NME5: variants seen among roughly 807,000 people sequenced by gnomAD.
NME5 encodes NME/NM23 family member 5, also known as nucleoside diphosphate kinase 5.
Under a neutral mutation model 21.6 loss-of-function variants are expected in NME5, and 18 were observed. That is an observed-to-expected ratio of 0.83 (90% CI 0.58 to 1.24). NME5 has a LOEUF of 1.24. Ranked by LOEUF, NME5 falls within the 50% of genes most tolerant of loss-of-function variation. The pLI is 0.00. For synonymous variants in NME5, 70 were observed against 80.6 expected (o/e 0.87, Z 0.71); for missense variants, 223 against 255.4 (o/e 0.87, Z 0.86).
intron 2 of NME5, among the ~76,000 whole-genome samples, chr5:138,136,672 C>T (rs1244965525): frequency 2.0e-5 from 3 of 151,180 alleles, no homozygotes; most frequent in African/African-American, 7.3e-5. Flanking sequence ...TCGAGAGTTT[C>T]GCTCTTGTTG....
chr5:138,136,385 C>CT (rs1051756187), intron 2 of NME5, among the ~76,000 whole-genome samples: 1 of 152,138 alleles, frequency 6.6e-6, no homozygotes, highest in Non-Finnish European at 1.5e-5. Flanking sequence ...TTTTAACTTG[C>CT]TTTTTTTCCC....
intron 4 of NME5, among the ~76,000 whole-genome samples, chr5:138,121,861 T>C (rs996933182): frequency 2.7e-5 from 4 of 150,706 alleles, no homozygotes; most frequent in African/African-American, 4.9e-5. Context: ...TTTCTTTAAA[T>C]TTTTTTTTTC....
At chr5:138,117,020 C>A (rs58951975) in intron 5 of NME5, among the ~76,000 whole-genome samples, 27,899 of 151,706 alleles carry the variant, frequency 0.18, 2,743 homozygotes, top group Middle Eastern at 0.21. Flanking sequence ...CCAGCCTGGG[C>A]AACATAGGGA....
At chr5:138,123,357 G>A (rs931202841) in intron 4 of NME5, among the ~76,000 whole-genome samples, 1 of 152,022 alleles carries the variant, frequency 6.6e-6, no homozygotes, top group African/African-American at 2.4e-5. Context: ...AGTATCCTTT[G>A]ATCAACATTT....
At chr5:138,120,675 G>T (rs894359556) in intron 4 of NME5, among the ~76,000 whole-genome samples, 1 of 152,134 alleles carries the variant, frequency 6.6e-6, no homozygotes, top group East Asian at 1.9e-4. Context: ...CAGTTACAAA[G>T]ATTTTCTTGT....
Position 138,128,505 on chromosome 5 carries a change from CT to C in NME5, c.409del (p.Arg137GlufsTer10). On this transcript the variant is annotated frameshift_variant, in exon 4 of 6. Transcript: ENST00000265191. LOFTEE classifies it high-confidence loss of function. Reference protein sequence around the residue: ...HGSNDFAAAEREIRFMFPEVI... With the variant: ...HGSNDFAAAEXEIRFMFPEVI... ...TTCAGGAAACATAAAACGTATTTCT[CT>C]TTCCGCAGCAGCAAAGTCATTACTC... 6.2e-7 allele frequency: 1 copy of C among 1,613,270 alleles called. No individual in the cohort carries two copies.
chr5:138,134,865 G>A (rs556725273), intron 2 of NME5, among the ~76,000 whole-genome samples: 135 of 149,750 alleles, frequency 9.0e-4, no homozygotes, highest in Non-Finnish European at 1.1e-3. Context: ...ACAGGTGCCC[G>A]CCACTGCGCC....
intron 2 of NME5, among the ~76,000 whole-genome samples, chr5:138,131,953 C>G (rs1371186961): frequency 6.6e-6 from 1 of 152,158 alleles, no homozygotes; most frequent in African/African-American, 2.4e-5. Flanking sequence ...CTTTGTTGGC[C>G]AGGCTGCTCT....
intron 4 of NME5, among the ~76,000 whole-genome samples, chr5:138,124,234 C>T (rs1377564723): frequency 2.6e-5 from 4 of 151,598 alleles, no homozygotes; most frequent in African/African-American, 9.7e-5. Context: ...AATTCCTGAC[C>T]TCAGGTGATC....
chr5:138,119,667 T>A (rs1376881848), intron 4 of NME5, among the ~76,000 whole-genome samples: 1 of 151,352 alleles, frequency 6.6e-6, no homozygotes, highest in African/African-American at 2.4e-5. Flanking sequence ...CTTTATTTTT[T>A]TTTTTTTGAG....
chr5:138,124,282 C>T (rs1429589006), intron 4 of NME5, among the ~76,000 whole-genome samples: 1 of 151,786 alleles, frequency 6.6e-6, no homozygotes, highest in Non-Finnish European at 1.5e-5. Context: ...GGATTACAGG[C>T]GTGAGCCACC....
intron 4 of NME5, among the ~76,000 whole-genome samples, chr5:138,124,012 T>TTTG (rs1751344053): frequency 6.9e-6 from 1 of 145,140 alleles, no homozygotes; most frequent in Non-Finnish European, 1.5e-5. Context: ...TTTTTTTTTT[T>TTTG]TGAGATGGAG....
intron 2 of NME5, among the ~76,000 whole-genome samples, chr5:138,133,162 G>C (rs748405904): frequency 6.6e-6 from 1 of 150,884 alleles, no homozygotes; most frequent in African/African-American, 2.4e-5. Context: ...GTGCAGTGGC[G>C]CGATCTCGGC....
intron 5 of NME5, among the ~76,000 whole-genome samples, chr5:138,117,204 CAAAA>C (rs34623624): frequency 1.7e-4 from 11 of 63,572 alleles, no homozygotes; most frequent in African/African-American, 4.6e-4. Flanking sequence ...GACCCTGTCT[CAAAA>C]AAAAAAAAAA....
chr5:138,132,279 G>A (rs1430469679), intron 2 of NME5, among the ~76,000 whole-genome samples: 1 of 152,150 alleles, frequency 6.6e-6, no homozygotes, highest in East Asian at 1.9e-4. Context: ...GAACCCAGGA[G>A]GCAGAGGTTG....
At chr5:138,134,232 G>A (rs1243399976) in intron 2 of NME5, among the ~76,000 whole-genome samples, 3 of 151,420 alleles carry the variant, frequency 2.0e-5, no homozygotes, top group East Asian at 1.9e-4. Context: ...GCGCCACCAC[G>A]CCCAGCTGAT....
At chr5:138,134,949 C>T (rs1441369956) in intron 2 of NME5, among the ~76,000 whole-genome samples, 2 of 150,740 alleles carry the variant, frequency 1.3e-5, no homozygotes, top group East Asian at 4.0e-4. Flanking sequence ...GTGATCTGCC[C>T]GCCTCGGCCT....
At chr5:138,121,992 C>A (rs1751294285) in intron 4 of NME5, among the ~76,000 whole-genome samples, 1 of 151,976 alleles carries the variant, frequency 6.6e-6, no homozygotes, top group Non-Finnish European at 1.5e-5. Context: ...TGCACCCAAC[C>A]CAAAACTGTT....
intron 4 of NME5, among the ~76,000 whole-genome samples, chr5:138,126,253 T>C (rs1024790188): frequency 2.6e-5 from 4 of 152,136 alleles, no homozygotes; most frequent in African/African-American, 9.7e-5. Context: ...GGCTCATGCC[T>C]GTAATCCCAA....
Sources: allele counts gnomAD v4.1 joint callset (sites outside exome capture counted in the v4.1 genomes callset), GRCh38; gene constraint gnomAD v4.1.1; transcripts MANE v1.5; gene names NCBI Gene and HGNC (gene_info 2026-07-23, HGNC 2026-07-21).